EPM2A: variants seen among roughly 807,000 people sequenced by gnomAD.
EPM2A encodes the protein EPM2A glucan phosphatase, laforin.
Under a neutral mutation model 26.5 loss-of-function variants are expected in EPM2A, and 21 were observed. The observed-to-expected ratio is 0.79, with a 90% CI of 0.56 to 1.14. EPM2A has a LOEUF of 1.14. Ranked by LOEUF, EPM2A falls within the 50% of genes most tolerant of loss-of-function variation. The pLI, the probability that EPM2A is intolerant of heterozygous loss-of-function variation, is 0.00. For missense variants in EPM2A, 458 were observed against 440.8 expected (o/e 1.04, Z -0.35); for synonymous variants, 217 against 177.6 (o/e 1.22, Z -1.76).
intron 2 of EPM2A, among the ~76,000 whole-genome samples, chr6:145,566,554 C>T (rs921042206): frequency 6.6e-5 from 10 of 152,212 alleles, no homozygotes; most frequent in Non-Finnish European, 1.5e-4. Context: ...ATCACCTTGA[C>T]TACCATGTCA....
chr6:145,420,307 T>C (rs1202638768), intron 4 of EPM2A, among the ~76,000 whole-genome samples: 1 of 152,192 alleles, frequency 6.6e-6, no homozygotes, highest in Non-Finnish European at 1.5e-5. Flanking sequence ...AATATACCCA[T>C]ATGCTTATGA....
chr6:145,552,918 GTTAA>G (rs1444029744), intron 2 of EPM2A, among the ~76,000 whole-genome samples: 2 of 152,022 alleles, frequency 1.3e-5, no homozygotes, highest in African/African-American at 2.4e-5. Context: ...CCAATTATAT[GTTAA>G]TTAATTAAGA....
chr6:145,540,946 C>T (rs1780498001), intron 2 of EPM2A, among the ~76,000 whole-genome samples: 1 of 151,988 alleles, frequency 6.6e-6, no homozygotes, highest in South Asian at 2.1e-4. Flanking sequence ...AATTCAAAGC[C>T]AAATATAAAT....
At chr6:145,480,689 C>A (rs1002194900) in intron 4 of EPM2A, among the ~76,000 whole-genome samples, 8 of 151,988 alleles carry the variant, frequency 5.3e-5, no homozygotes, top group African/African-American at 1.9e-4. Flanking sequence ...AAATGATAGA[C>A]CTTTTAATTA....
chr6:145,687,523 A>T (rs985472798), intron 1 of EPM2A, among the ~76,000 whole-genome samples: 1 of 152,306 alleles, frequency 6.6e-6, no homozygotes, highest in Non-Finnish European at 1.5e-5. Context: ...ATTTCAAATC[A>T]TGCCTCTCTT....
intron 2 of EPM2A, among the ~76,000 whole-genome samples, chr6:145,582,799 T>C (rs1345036738): frequency 1.3e-5 from 2 of 152,228 alleles, no homozygotes; most frequent in Non-Finnish European, 2.9e-5. Context: ...CAATGATTCA[T>C]AGATTTGGTC....
intron 2 of EPM2A, among the ~76,000 whole-genome samples, chr6:145,683,313 G>GTGTGTGTGTGTATA (rs1178628366): frequency 6.8e-6 from 1 of 147,372 alleles, no homozygotes; most frequent in Admixed American, 6.8e-5. Context: ...GTGTGAGTGT[G>GTGTGTGTGTGTATA]TATATATTAG....
At chr6:145,701,603 T>C (rs1199743947) in intron 1 of EPM2A, among the ~76,000 whole-genome samples, 2 of 152,214 alleles carry the variant, frequency 1.3e-5, no homozygotes, top group East Asian at 3.8e-4. Flanking sequence ...GGAATAAGAT[T>C]ACCATAACTG....
chr6:145,442,270 C>T (rs566855432), intron 4 of EPM2A, among the ~76,000 whole-genome samples: 1 of 152,274 alleles, frequency 6.6e-6, no homozygotes, highest in Admixed American at 6.5e-5. Context: ...GCTTCTATAT[C>T]TTCATATATC....
chr6:145,458,572 G>A (rs916604639), intron 4 of EPM2A, among the ~76,000 whole-genome samples: 10 of 152,152 alleles, frequency 6.6e-5, no homozygotes, highest in Non-Finnish European at 1.0e-4. Flanking sequence ...CCCTGTAGCT[G>A]AACCCCTAGT....
chr6:145,644,416 G>A (rs1180882991), intron 2 of EPM2A, among the ~76,000 whole-genome samples: 1 of 152,038 alleles, frequency 6.6e-6, no homozygotes, highest in Non-Finnish European at 1.5e-5. Flanking sequence ...CCTGATAGAA[G>A]CCTAAAATTG....
chr6:145,701,464 A>C (rs1318029515), intron 1 of EPM2A, among the ~76,000 whole-genome samples: 1 of 152,214 alleles, frequency 6.6e-6, no homozygotes, highest in Non-Finnish European at 1.5e-5. Context: ...AGGGTGAAGG[A>C]CCATGCCAGC....
intron 4 of EPM2A, among the ~76,000 whole-genome samples, chr6:145,427,207 A>G (rs546999855): frequency 2.9e-4 from 44 of 152,354 alleles, no homozygotes; most frequent in Admixed American, 2.9e-3. Flanking sequence ...AGCTAACATA[A>G]TATTGTTTTT....
intron 2 of EPM2A, among the ~76,000 whole-genome samples, chr6:145,529,808 T>C (rs1780329327): frequency 6.6e-6 from 1 of 152,196 alleles, no homozygotes; most frequent in South Asian, 2.1e-4. Context: ...CTCAGTAACT[T>C]CCTTTCCCGG....
intron 1 of EPM2A, among the ~76,000 whole-genome samples, chr6:145,707,604 C>T (rs1377724458): frequency 6.6e-6 from 1 of 152,078 alleles, no homozygotes; most frequent in Non-Finnish European, 1.5e-5. Flanking sequence ...AAAGGGTATA[C>T]CCTTGTACAT....
chr6:145,573,596 G>A (rs1019763735), intron 2 of EPM2A, among the ~76,000 whole-genome samples: 5 of 152,186 alleles, frequency 3.3e-5, no homozygotes, highest in African/African-American at 9.7e-5. Flanking sequence ...ACTAATCTCC[G>A]CAATCCCTCC....
chr6:145,532,617 T>C (rs139207082), intron 2 of EPM2A, among the ~76,000 whole-genome samples: 1,604 of 152,264 alleles, frequency 0.011, 19 homozygotes, highest in South Asian at 0.02. Flanking sequence ...TGCAACTCTT[T>C]ACAGCACTCT....
intron 4 of EPM2A, among the ~76,000 whole-genome samples, chr6:145,401,323 C>A (rs1778483160): frequency 6.6e-6 from 1 of 152,104 alleles, no homozygotes; most frequent in Non-Finnish European, 1.5e-5. Flanking sequence ...TCTATTTTCA[C>A]CTTAGCAAGA....
At chr6:145,619,748 G>T (rs1427655489) in intron 2 of EPM2A, among the ~76,000 whole-genome samples, 2 of 152,064 alleles carry the variant, frequency 1.3e-5, no homozygotes, top group African/African-American at 4.8e-5. Flanking sequence ...AGAAAAAGAG[G>T]AAGTATATCT....
Sources: gnomAD v4.1 joint callset for allele counts (sites outside exome capture counted in the v4.1 genomes callset) on GRCh38, gnomAD v4.1.1 for gene constraint, MANE v1.5 for transcripts, NCBI Gene and HGNC (gene_info 2026-07-23, HGNC 2026-07-21) for gene names.